Variants in PRKX observed in about 807,000 individuals in gnomAD.
PRKX encodes protein kinase cAMP-dependent X-linked catalytic subunit.
PRKX carries 12 observed loss-of-function variants against 22.0 expected under a neutral mutation model. That is an observed-to-expected ratio of 0.54 (90% CI 0.35 to 0.88). The LOEUF (loss-of-function observed/expected upper bound fraction) is 0.88. Ranked by LOEUF, PRKX falls within the 40% of genes least tolerant of loss-of-function variation. The pLI is 0.01. For missense variants in PRKX, 217 were observed against 308.0 expected, an observed-to-expected ratio of 0.70 and a Z score of 2.21; for synonymous variants, 134 against 137.7, an observed-to-expected ratio of 0.97 and a Z score of 0.19.
chrX:3,663,443 CACACACACACACACACACACACACAA>C (rs1927649209), intron 2 of PRKX, among the ~76,000 whole-genome samples: 1 of 77,714 alleles, frequency 1.3e-5, no homozygotes, highest in Non-Finnish European at 2.4e-5. Flanking sequence ...CACACACACA[CACACACACACACACACACACACACAA>C]AAAAATTCAA....
chrX:3,703,093 T>C (rs1928611480), intron 1 of PRKX, among the ~76,000 whole-genome samples: 1 of 111,317 alleles, frequency 9.0e-6, no homozygotes, highest in African/African-American at 3.3e-5. Flanking sequence ...GACAGTTTTA[T>C]GTCCTCCTCT....
At chrX:3,637,149 A>G (rs1926908477) in intron 4 of PRKX, among the ~76,000 whole-genome samples, 1 of 108,018 alleles carries the variant, frequency 9.3e-6, no homozygotes, top group African/African-American at 3.4e-5. Context: ...AGGAAAGGGA[A>G]AAAGAAAAGA....
chrX:3,652,744 T>A (rs2146581422), intron 3 of PRKX, among the ~76,000 whole-genome samples: 1 of 111,740 alleles, frequency 8.9e-6, no homozygotes, highest in South Asian at 3.8e-4. Context: ...AGAATGTGAC[T>A]ATATGGGAAA....
intron 2 of PRKX, among the ~76,000 whole-genome samples, chrX:3,660,753 G>A (rs966348501): frequency 5.4e-5 from 6 of 111,774 alleles, no homozygotes; most frequent in African/African-American, 2.0e-4. Context: ...TGTAGAATAC[G>A]CAAGCCCTGA....
chrX:3,632,722 C>A (rs1467976509), intron 4 of PRKX, among the ~76,000 whole-genome samples: 1 of 111,931 alleles, frequency 8.9e-6, no homozygotes, highest in Non-Finnish European at 1.9e-5. Context: ...CCCCCGGACG[C>A]CTGGGCAGTG....
At chrX:3,646,984 C>T (rs1927201201) in intron 3 of PRKX, among the ~76,000 whole-genome samples, 1 of 110,610 alleles carries the variant, frequency 9.0e-6, no homozygotes, top group Admixed American at 9.8e-5. Context: ...GTAACAACAC[C>T]GACTGCAAAC....
intron 1 of PRKX, among the ~76,000 whole-genome samples, chrX:3,703,052 G>A (rs993981719): frequency 4.5e-5 from 5 of 111,144 alleles, no homozygotes; most frequent in Non-Finnish European, 7.5e-5. Context: ...TCTGGATTAA[G>A]CAGGATGGAA....
intron 1 of PRKX, among the ~76,000 whole-genome samples, chrX:3,701,818 T>A (rs1376898106): frequency 8.9e-6 from 1 of 111,738 alleles, no homozygotes; most frequent in East Asian, 2.8e-4. Context: ...TTGTCCTCAC[T>A]GCTACACTCC....
At chrX:3,622,409 C>T (rs1926576454) in intron 5 of PRKX, among the ~76,000 whole-genome samples, 1 of 110,716 alleles carries the variant, frequency 9.0e-6, no homozygotes, top group Non-Finnish European at 1.9e-5. Flanking sequence ...CCCATGACCC[C>T]GGTGTAAGCG....
At chrX:3,612,392 A>G (rs1306442504) in intron 7 of PRKX, 67 bp from the exon 8 acceptor site, 3 of 1,069,725 alleles carry the variant, frequency 2.8e-6, no homozygotes, top group South Asian at 2.5e-5. Flanking sequence ...TGCTGCACAC[A>G]CCGCTTTATT....
In PRKX at chrX:3,604,522, C is replaced by T. The variant is rs1191030903; in HGVS notation, c.*4447G>A. On this transcript the variant is annotated 3_prime_UTR_variant, in exon 9 of 9. Coordinates refer to ENST00000262848, the MANE Select transcript of PRKX (RefSeq NM_005044.5). ...AGACAGGATTAAAAATAGGCACTCC[C>T]CTCCCCGACCCCCCATGAGAAGGGG... The T allele has an allele frequency of 1.8e-5, 2 of 112,481 alleles. No homozygotes were observed. The highest frequency in any genetic ancestry group is 6.5e-5 in the African/African-American group (2 of 30,912). 9.3% of individuals were successfully genotyped at this position (112,481 alleles called of 1,213,427 possible).
intron 2 of PRKX, among the ~76,000 whole-genome samples, chrX:3,661,529 C>G (rs1328116016): frequency 9.1e-6 from 1 of 109,793 alleles, no homozygotes; most frequent in Non-Finnish European, 1.9e-5. Flanking sequence ...ACAGCCTGAG[C>G]CCAGGAGTTG....
chrX:3,692,260 G>A (rs1179625739), intron 1 of PRKX, among the ~76,000 whole-genome samples: 1 of 110,078 alleles, frequency 9.1e-6, no homozygotes, highest in Non-Finnish European at 1.9e-5. Flanking sequence ...CAAACCTGCA[G>A]AGTGGCGTCC....
intron 1 of PRKX, among the ~76,000 whole-genome samples, chrX:3,686,972 A>C (rs780655274): frequency 6.2e-5 from 7 of 112,002 alleles, no homozygotes; most frequent in African/African-American, 9.7e-5. Flanking sequence ...TATCCAACCA[A>C]CACCACCAAC....
chrX:3,656,933 C>T (rs1927493983), intron 2 of PRKX, among the ~76,000 whole-genome samples: 1 of 111,811 alleles, frequency 8.9e-6, no homozygotes, highest in African/African-American at 3.3e-5. Flanking sequence ...AAGGGCCCTT[C>T]TCGCTGTCCT....
At chrX:3,701,249 T>C (rs1377735937) in intron 1 of PRKX, among the ~76,000 whole-genome samples, 1 of 110,505 alleles carries the variant, frequency 9.0e-6, no homozygotes, top group Non-Finnish European at 1.9e-5. Context: ...GCTGGGATTA[T>C]AGGTATGCGC....
intron 1 of PRKX, among the ~76,000 whole-genome samples, chrX:3,680,735 T>G (rs1928055210): frequency 8.9e-6 from 1 of 111,854 alleles, no homozygotes; most frequent in African/African-American, 3.2e-5. Flanking sequence ...TAGTGAAGAC[T>G]CACAACTGGC....
At chrX:3,684,150 G>A (rs941721359) in intron 1 of PRKX, among the ~76,000 whole-genome samples, 1 of 111,280 alleles carries the variant, frequency 9.0e-6, no homozygotes, top group Admixed American at 9.6e-5. Context: ...TACTCAGGAG[G>A]CTGAGACAGG....
At chrX:3,693,515 G>A (rs1569062381) in intron 1 of PRKX, among the ~76,000 whole-genome samples, 1 of 110,944 alleles carries the variant, frequency 9.0e-6, no homozygotes, top group Non-Finnish European at 1.9e-5. Flanking sequence ...GGGGGAAGAA[G>A]GGGACACATT....
Sources: allele counts gnomAD v4.1 joint callset (sites outside exome capture counted in the v4.1 genomes callset), GRCh38; gene constraint gnomAD v4.1.1; transcripts MANE v1.5; gene names NCBI Gene and HGNC (gene_info 2026-07-23, HGNC 2026-07-21).